The following IQSEC1 variants were observed in gnomAD, a reference collection of about 807,000 sequenced individuals.
The protein encoded by IQSEC1 is IQ motif and Sec7 domain ArfGEF 1, also known as IQ motif and SEC7 domain-containing protein 1.
Under a neutral mutation model 91.0 loss-of-function variants are expected in IQSEC1, and 31 were observed. That is an observed-to-expected ratio of 0.34 (90% CI 0.26 to 0.46). IQSEC1 has a LOEUF of 0.46. Ranked by LOEUF, IQSEC1 falls within the 20% of genes least tolerant of loss-of-function variation. The probability of loss-of-function intolerance (pLI) is 1.00; values close to 1 mark genes in which losing one functional copy is unlikely to be tolerated. For synonymous variants in IQSEC1, 699 were observed against 662.6 expected (o/e 1.05, Z -0.84); for missense variants, 1,388 against 1,575.6 (o/e 0.88, Z 2.02).
intron 1 of IQSEC1, among the ~76,000 whole-genome samples, chr3:13,019,387 C>A (rs945992512): frequency 2.6e-5 from 4 of 152,252 alleles, no homozygotes; most frequent in African/African-American, 7.2e-5. Context: ...CCAGGGGCAA[C>A]AGGCTCACTC....
chr3:13,087,278 T>A (rs767583729), intron 2 of IQSEC1, among the ~76,000 whole-genome samples: 9 of 152,230 alleles, frequency 5.9e-5, no homozygotes, highest in Admixed American at 1.3e-4. Flanking sequence ...GTTCCCCTGA[T>A]GTTTTAAAGA....
chr3:13,047,537 G>A, intron 1 of IQSEC1: 10 of 984,658 alleles, frequency 1.0e-5, no homozygotes, highest in Non-Finnish European at 1.2e-5. Flanking sequence ...GGTGGCAAAA[G>A]CGAGACAGGG....
intron 1 of IQSEC1, among the ~76,000 whole-genome samples, chr3:12,991,157 C>G (rs979010573): frequency 6.6e-6 from 1 of 152,284 alleles, no homozygotes; most frequent in Admixed American, 6.5e-5. Flanking sequence ...TGCTTTGCAT[C>G]GCCCTTCTGT....
At chr3:12,997,554 G>T (rs558243495) in intron 1 of IQSEC1, among the ~76,000 whole-genome samples, 1 of 152,238 alleles carries the variant, frequency 6.6e-6, no homozygotes, top group South Asian at 2.1e-4. Flanking sequence ...TTTCATCATT[G>T]TGAAACCTCA....
At chr3:13,140,802 G>T (rs567475156) in intron 2 of IQSEC1, among the ~76,000 whole-genome samples, 1 of 152,276 alleles carries the variant, frequency 6.6e-6, no homozygotes, top group South Asian at 2.1e-4. Flanking sequence ...GCTCTGTTCC[G>T]CATCCCACCC....
chr3:13,164,707 A>C (rs575578056), intron 1 of IQSEC1, among the ~76,000 whole-genome samples: 2 of 152,344 alleles, frequency 1.3e-5, no homozygotes, highest in East Asian at 3.9e-4. Flanking sequence ...ACTTTCACGA[A>C]GACTGTGACT....
chr3:13,258,144 C>A (rs898705727), intron 1 of IQSEC1, among the ~76,000 whole-genome samples: 1 of 152,254 alleles, frequency 6.6e-6, no homozygotes, highest in Non-Finnish European at 1.5e-5. Context: ...CTGTGTGATG[C>A]CACAATGGCA....
At position 12,897,283 on chromosome 3, in the gene IQSEC1, G is replaced by C. The variant is rs1211843498; in HGVS notation, c.*3700C>G. The C allele has an allele frequency of 6.6e-6, 1 of 152,212 alleles. No individual in the cohort carries two copies. Among genetic ancestry groups the C allele is most frequent in the Admixed American group, 6.5e-5 (1 of 15,276 alleles). The allele number at this position is 152,212 out of a possible 1,614,324, so 9.4% of individuals were successfully genotyped here. On this transcript the variant is annotated 3_prime_UTR_variant, in exon 14 of 14. Coordinates refer to ENST00000613206, the MANE Select transcript of IQSEC1 (RefSeq NM_001134382.3). ...ACAACCATGGTTTTACATTGATAGA[G>C]TCTGTTGCCACTGACAAACAGAATG... is the stretch of plus-strand genomic sequence containing the variant.
intron 1 of IQSEC1, among the ~76,000 whole-genome samples, chr3:13,183,220 TA>T (rs1341161408): frequency 6.7e-6 from 1 of 150,126 alleles, no homozygotes; most frequent in Admixed American, 6.6e-5. Flanking sequence ...CATAAATAAA[TA>T]AAAAAGAAAT....
chr3:13,231,539 A>G (rs573411161), intron 1 of IQSEC1, among the ~76,000 whole-genome samples: 1 of 119,892 alleles, frequency 8.3e-6, no homozygotes, highest in East Asian at 4.1e-4. Flanking sequence ...CACCTGCATG[A>G]CCTCACCACC....
At chr3:13,048,948 G>A (rs935886408) in intron 1 of IQSEC1, among the ~76,000 whole-genome samples, 11 of 152,216 alleles carry the variant, frequency 7.2e-5, no homozygotes, top group Non-Finnish European at 1.0e-4. Context: ...CTGTGTGGCA[G>A]CCATGCCTTG....
At chr3:12,923,971 A>G (rs997408173) in intron 4 of IQSEC1, among the ~76,000 whole-genome samples, 20 of 152,316 alleles carry the variant, frequency 1.3e-4, no homozygotes, top group African/African-American at 3.6e-4. Context: ...AGCTCTCTGA[A>G]CTGAGAAGAG....
chr3:13,234,408 A>G (rs1385974642), intron 1 of IQSEC1, among the ~76,000 whole-genome samples: 1 of 152,130 alleles, frequency 6.6e-6, no homozygotes, highest in East Asian at 1.9e-4. Context: ...ACAGGAAGGG[A>G]CCAAGACAAT....
At chr3:12,991,296 C>T (rs528871475) in intron 1 of IQSEC1, among the ~76,000 whole-genome samples, 1 of 152,262 alleles carries the variant, frequency 6.6e-6, no homozygotes, top group South Asian at 2.1e-4. Context: ...GGTGTTCCTT[C>T]CCGCAGGAGC....
intron 1 of IQSEC1, among the ~76,000 whole-genome samples, chr3:12,990,419 C>T (rs1033222991): frequency 6.6e-6 from 1 of 152,204 alleles, no homozygotes; most frequent in Non-Finnish European, 1.5e-5. Context: ...ATGCCTCAGG[C>T]CCCACTCTGC....
chr3:13,272,334 A>G (rs1184462660), intron 1 of IQSEC1, among the ~76,000 whole-genome samples: 1 of 152,250 alleles, frequency 6.6e-6, no homozygotes, highest in East Asian at 1.9e-4. Context: ...TCAACAATGG[A>G]GGGGTGGCGG....
chr3:13,216,473 G>A (rs1182977600), intron 1 of IQSEC1, among the ~76,000 whole-genome samples: 1 of 152,204 alleles, frequency 6.6e-6, no homozygotes, highest in Non-Finnish European at 1.5e-5. Context: ...GACACACCCA[G>A]GGCTAGCAGA....
chr3:13,096,307 T>A (rs1705962107), intron 2 of IQSEC1, among the ~76,000 whole-genome samples: 2 of 152,186 alleles, frequency 1.3e-5, no homozygotes, highest in South Asian at 4.1e-4. Flanking sequence ...GTGGGGCATG[T>A]GGGGGACAGG....
chr3:12,986,018 G>C (rs752347370), intron 1 of IQSEC1, among the ~76,000 whole-genome samples: 4 of 152,168 alleles, frequency 2.6e-5, no homozygotes, highest in South Asian at 2.1e-4. Flanking sequence ...CTTGCCTGTT[G>C]GGCCATGTTT....
Sources: gnomAD v4.1 joint callset for allele counts (sites outside exome capture counted in the v4.1 genomes callset) on GRCh38, gnomAD v4.1.1 for gene constraint, MANE v1.5 for transcripts, NCBI Gene and HGNC (gene_info 2026-07-23, HGNC 2026-07-21) for gene names.